The following DSTYK variants were observed in gnomAD, a reference collection of about 807,000 sequenced individuals.
DSTYK encodes the protein dual serine/threonine and tyrosine protein kinase, also known as RIP-homologous kinase.
In DSTYK, 34 loss-of-function variants were observed where a neutral mutation model predicts 98.7. The observed-to-expected ratio is 0.34, with a 90% CI of 0.26 to 0.46. DSTYK has a LOEUF of 0.46. Ranked by LOEUF, DSTYK falls within the 20% of genes least tolerant of loss-of-function variation. DSTYK has a pLI of 1.00. For missense variants in DSTYK, 962 were observed against 1,181.7 expected (o/e 0.81, Z 2.73); for synonymous variants, 462 against 457.3 (o/e 1.01, Z -0.13).
chr1:205,158,573 G>T (rs1254462043), intron 9 of DSTYK, among the ~76,000 whole-genome samples: 4 of 152,036 alleles, frequency 2.6e-5, no homozygotes, highest in Non-Finnish European at 5.9e-5. Flanking sequence ...AACATTTTGG[G>T]TCTTATATAA....
In DSTYK at chr1:205,187,822, G is replaced by A. The variant is rs1229403256; in HGVS notation, c.266-16C>T. ...CTCAGTTGGCCTGGTTGGGGAAGGG[G>A]AGAGTGGAGGAAGAGAAAGGAGTAG... On this transcript the variant is annotated splice_polypyrimidine_tract_variant and intron_variant, in intron 1 of 12. Coordinates refer to ENST00000367162, the MANE Select transcript of DSTYK (RefSeq NM_015375.3). The A allele has an allele frequency of 1.3e-6, 2 of 1,592,920 alleles. No individual in the cohort carries two copies. Among genetic ancestry groups the A allele is most frequent in the South Asian group, 2.3e-5 (2 of 87,924 alleles).
rs1354352257 is a variant in DSTYK at position 205,160,149 on chromosome 1, G to A, written c.2070C>T (p.His690=). The A allele has an allele frequency of 3.7e-6, 6 of 1,614,150 alleles. No individual in the cohort carries two copies. Among genetic ancestry groups the A allele is most frequent in the Non-Finnish European group, 5.1e-6 (6 of 1,180,016 alleles). ...LKSVVPPDEK[H]WNDLALEFHY... ...GAAATTCCAAAGCCAGATCATTCCA[G>A]TGCTTCTCATCTGGAGGGACAACTG... is the stretch of plus-strand genomic sequence containing the variant. The change falls in exon 8 of 13, where the codon CAC becomes CAT. Residue 690 remains histidine, a synonymous_variant. Coordinates refer to ENST00000367162, the MANE Select transcript of DSTYK (RefSeq NM_015375.3).
intron 5 of DSTYK, 147 bp downstream of exon 5, chr1:205,162,776 C>A: frequency 1.6e-6 from 1 of 632,712 alleles, no homozygotes; most frequent in South Asian, 2.0e-5. Flanking sequence ...TAGGCATAAA[C>A]CAGAATTCTC....
chr1:205,150,818 T>A lies in DSTYK; in HGVS notation c.2353-24A>T. The A allele has an allele frequency of 6.3e-7, 1 of 1,590,554 alleles. No homozygotes were observed. The stretch of plus-strand genomic sequence containing the variant: ...AGCTGCCAACAAAGCAGGGCAAGAG[T>A]CACCTTGTTTCTGATCCTGCACACA... On this transcript the variant is annotated intron_variant, in intron 10 of 12. Coordinates refer to ENST00000367162, the MANE Select transcript of DSTYK (RefSeq NM_015375.3). The surrounding 1 kb of genome is among the most constrained non-coding windows in gnomAD (Gnocchi z 4.1).
chr1:205,153,867 C>CTTTTT (rs771169377), intron 10 of DSTYK, among the ~76,000 whole-genome samples: 1 of 132,678 alleles, frequency 7.5e-6, no homozygotes, highest in South Asian at 2.4e-4. Flanking sequence ...GCCTGGCTAA[C>CTTTTT]TTTTTTTTTT....
chr1:205,162,181 G>A lies in DSTYK; in HGVS notation c.1673C>T (p.Pro558Leu). 6.2e-7 allele frequency: 1 copy of A among 1,614,164 alleles called. No individual in the cohort carries two copies. The highest frequency in any genetic ancestry group is 8.5e-7 in the Non-Finnish European group (1 of 1,180,010). ...CCTCTTCCATTCCAGAGTGATGGCAGGTGGGCTCACCCATGTGATGCGCTG... is the reference window on the plus strand; with the variant it reads ...CCTCTTCCATTCCAGAGTGATGGCAAGTGGGCTCACCCATGTGATGCGCTG... ...IIQRITWVSP[P>L]AITLEWKRKV... The change falls in exon 6 of 13, where the codon CCT becomes CTT. Residue 558 changes from proline (P) to leucine (L), a missense_variant. Pro to Leu is a moderately conservative substitution (Grantham distance 98). Coordinates refer to ENST00000367162, the MANE Select transcript of DSTYK (RefSeq NM_015375.3).
At position 205,147,261 on chromosome 1, in the gene DSTYK, C is replaced by T. The variant is rs143499791; in HGVS notation, c.*297G>A. ...ATATACAGTGAAAAGACAATGGTAA[C>T]ATCTGCCTCCTTTTCATTTGTGAAG... is the stretch of plus-strand genomic sequence containing the variant. On this transcript the variant is annotated 3_prime_UTR_variant, in exon 13 of 13. Transcript: ENST00000367162. The T allele has an allele frequency of 7.5e-6, 2 of 267,472 alleles. No individual in the cohort carries two copies. Among genetic ancestry groups the T allele is most frequent in the South Asian group, 2.2e-4 (2 of 9,084 alleles). 16.6% of individuals were successfully genotyped at this position (267,472 alleles called of 1,614,324 possible). A position where few individuals can be genotyped will look rare whatever the true frequency, so the allele number is the denominator to read the frequency against.
Position 205,169,074 on chromosome 1 carries a change from C to T in DSTYK, c.1324+89G>A, listed in dbSNP as rs946688082. 2 of 1,182,284 alleles carry T rather than the reference C, an allele frequency of 1.7e-6. No homozygotes were observed. The highest frequency in any genetic ancestry group is 4.6e-5 in the Admixed American group (2 of 43,306). The allele number at this position is 1,182,284 out of a possible 1,614,324, so 73.2% of individuals were successfully genotyped here. On this transcript the variant is annotated intron_variant, in intron 3 of 12. Transcript: ENST00000367162. This position sits in a 1 kb window ranked among gnomAD's most constrained non-coding sequence, Gnocchi z 4.0. ...TGAAGTTACCCTGAGATTCCTTTAA[C>T]CTTAGGAATTAACGTTCTTAATTTC... is the stretch of plus-strand genomic sequence containing the variant.
intron 1 of DSTYK, among the ~76,000 whole-genome samples, chr1:205,198,505 C>T (rs1658934049): frequency 6.6e-6 from 1 of 152,148 alleles, no homozygotes; most frequent in East Asian, 1.9e-4. Context: ...CTATATTCCC[C>T]CACATTCCTC....
chr1:205,143,135 C>T lies in DSTYK; in HGVS notation c.*4423G>A, dbSNP rs1657122161. On this transcript the variant is annotated 3_prime_UTR_variant, in exon 13 of 13. Transcript: ENST00000367162. ...CCACCTCCATAACTGAAGGATTAAC[C>T]TTCTTTTTCTTTTTCTTTTTTTTTT... 6.6e-6 allele frequency: 1 copy of T among 152,078 alleles called. No individual in the cohort carries two copies. The highest frequency in any genetic ancestry group is 1.9e-4 in the East Asian group (1 of 5,184). 9.4% of individuals were successfully genotyped at this position (152,078 alleles called of 1,614,324 possible). A position where few individuals can be genotyped will look rare whatever the true frequency, so the allele number is the denominator to read the frequency against.
chr1:205,161,009 G>A (rs1657704575), intron 7 of DSTYK, among the ~76,000 whole-genome samples: 1 of 151,378 alleles, frequency 6.6e-6, no homozygotes, highest in Non-Finnish European at 1.5e-5. Context: ...TCTGAGCTCA[G>A]GCAGTCCACC....
At chr1:205,154,682 A>G (rs1172370575) in intron 10 of DSTYK, among the ~76,000 whole-genome samples, 2 of 152,248 alleles carry the variant, frequency 1.3e-5, no homozygotes, top group African/African-American at 2.4e-5. Context: ...GGAACTGAGT[A>G]ACAGACAGAG....
rs1329246316 is a variant in DSTYK at position 205,144,442 on chromosome 1, T to C, written c.*3116A>G. The C allele has an allele frequency of 6.6e-6, 1 of 152,654 alleles. No homozygotes were observed. The highest frequency in any genetic ancestry group is 1.5e-5 in the Non-Finnish European group (1 of 68,060). The allele number at this position is 152,654 out of a possible 1,614,324, so 9.5% of individuals were successfully genotyped here. A position where few individuals can be genotyped will look rare whatever the true frequency, so the allele number is the denominator to read the frequency against. ...TCTATAACCCAAGTGCTGCCAGACT[T>C]CTTTGAAAACCTAGTGTCCTCCCAA... On this transcript the variant is annotated 3_prime_UTR_variant, in exon 13 of 13. Transcript: ENST00000367162.
intron 10 of DSTYK, among the ~76,000 whole-genome samples, chr1:205,156,964 G>A (rs181177356): frequency 1.3e-5 from 2 of 152,162 alleles, no homozygotes; most frequent in Admixed American, 1.3e-4. Context: ...TTTTGTAAGG[G>A]GCTTTACCCC....
At chr1:205,152,302 C>T (rs537877859) in intron 10 of DSTYK, among the ~76,000 whole-genome samples, 14 of 152,166 alleles carry the variant, frequency 9.2e-5, no homozygotes, top group Non-Finnish European at 1.3e-4. Flanking sequence ...CTCAGCCTCC[C>T]GAGCAGCTGG....
intron 1 of DSTYK, among the ~76,000 whole-genome samples, chr1:205,191,202 C>T (rs535742299): frequency 1.3e-5 from 2 of 152,334 alleles, no homozygotes; most frequent in African/African-American, 2.4e-5. Flanking sequence ...CAAACATCAC[C>T]GTCTTTGTTT....
chr1:205,154,575 A>G (rs1334689705), intron 10 of DSTYK, among the ~76,000 whole-genome samples: 1 of 152,180 alleles, frequency 6.6e-6, no homozygotes. Flanking sequence ...AGTCTCAGGT[A>G]TGTCTTTATT....
chr1:205,203,015 TAGAC>T (rs1659087097), intron 1 of DSTYK, among the ~76,000 whole-genome samples: 1 of 152,066 alleles, frequency 6.6e-6, no homozygotes, highest in African/African-American at 2.4e-5. Context: ...AAGGAGAAAG[TAGAC>T]AGAGCAAAAC....
In DSTYK at chr1:205,211,530, C is replaced by T; in HGVS notation, c.6G>A (p.Glu2=). The change falls in exon 1 of 13, where the codon GAG becomes GAA. Residue 2 remains glutamate (E), a synonymous_variant. Coordinates refer to ENST00000367162, the MANE Select transcript of DSTYK (RefSeq NM_015375.3). ...CGCTGCCCCATGGCACCCCGTCGCC[C>T]TCCATCGCCTCTGCCCGCTCTGTCT... is the stretch of plus-strand genomic sequence containing the variant. The part of the protein sequence containing the change: M[E]GDGVPWGSEP... The T allele has an allele frequency of 3.3e-6, 5 of 1,536,432 alleles. No homozygotes were observed. The highest frequency in any genetic ancestry group is 4.4e-6 in the Non-Finnish European group (5 of 1,148,660).
Sources: allele counts gnomAD v4.1 joint callset (sites outside exome capture counted in the v4.1 genomes callset), GRCh38; gene constraint gnomAD v4.1.1; non-coding constraint Gnocchi (gnomAD v3.1); transcripts MANE v1.5; gene names NCBI Gene and HGNC (gene_info 2026-07-23, HGNC 2026-07-21).